The following LMNA variants were observed in gnomAD, a reference collection of about 807,000 sequenced individuals.
LMNA encodes the protein lamin A/C.
A neutral mutation model predicts 70.4 loss-of-function variants in LMNA; 20 were observed. The ratio of observed to expected loss-of-function variants is 0.28; its 90% CI spans 0.20 to 0.41. The LOEUF is 0.41. LMNA is among the 10% of genes least tolerant of loss of function. LMNA has a pLI of 1.00. For synonymous variants in LMNA, 339 were observed against 372.8 expected (o/e 0.91, Z 1.04); for missense variants, 652 against 917.2 (o/e 0.71, Z 3.73).
chr1:156,113,016 C>T (rs975934685), upstream of LMNA, among the ~76,000 whole-genome samples: 7 of 152,004 alleles, frequency 4.6e-5, no homozygotes, highest in Admixed American at 4.6e-4. Flanking sequence ...TAAGGTGGGA[C>T]GGGCATGGTG....
In LMNA at chr1:156,130,739, G is replaced by A. The variant is rs750755990; in HGVS notation, c.479G>A (p.Gly160Asp). ...CTCAGTGAGAAGCGCACGCTGGAGG[G>A]CGAGCTGCATGATCTGCGGGGCCAG... ...TALSEKRTLEGELHDLRGQVA... is the reference protein window; with the variant it reads ...TALSEKRTLEDELHDLRGQVA... Residue 160 changes from glycine to aspartate, a missense_variant, in exon 2 of 12, where the codon GGC becomes GAC. Gly to Asp is a moderately conservative substitution (Grantham distance 94). Transcript: ENST00000368300. 6.2e-7 allele frequency: 1 copy of A among 1,605,106 alleles called. No individual in the cohort carries two copies. The highest frequency in any genetic ancestry group is 1.7e-5 in the Admixed American group (1 of 58,668).
chr1:156,084,457 A>C lies in LMNA; in HGVS notation c.-319+1273A>C, dbSNP rs368688923. ...GGAGTTGGGGAAGTTTGCCCCCTGG[A>C]CTGGGGATTTAACATAAGATCAACA... On this transcript the variant is annotated intron_variant, in intron 2 of 12. Coordinates refer to the LMNA transcript ENST00000368301. Among the ~76,000 whole-genome samples the C allele has an allele frequency of 2.8e-3, 424 of 151,790 alleles. 3 individuals carry two copies. The highest frequency in any genetic ancestry group is 9.2e-3 in the African/African-American group (379 of 41,362).
intron 3 of LMNA, among the ~76,000 whole-genome samples, chr1:156,107,538 A>C (rs1649395160): frequency 6.6e-6 from 1 of 152,238 alleles, no homozygotes; most frequent in South Asian, 2.1e-4. Context: ...TCAACCAGGC[A>C]GGGGCCTCAA....
upstream of LMNA, chr1:156,114,541 T>G (rs1649664672): frequency 7.8e-6 from 2 of 257,214 alleles, no homozygotes; most frequent in African/African-American, 2.3e-5. Flanking sequence ...CAGTTAGGGG[T>G]GCGCTGGAGA....
At chr1:156,114,505 AAG>A (rs776396705), upstream of LMNA, among the ~76,000 whole-genome samples, 48 of 152,282 alleles carry the variant, frequency 3.2e-4, no homozygotes, top group Non-Finnish European at 1.5e-4. Context: ...GGCAGGAGCC[AAG>A]AGAGGGGAAG....
upstream of LMNA, among the ~76,000 whole-genome samples, chr1:156,114,133 T>G (rs1649645603): frequency 6.6e-6 from 1 of 152,042 alleles, no homozygotes; most frequent in African/African-American, 2.4e-5. Context: ...TTCCAGAACT[T>G]TGCTCCCCCC....
chr1:156,126,501 C>T lies in LMNA; in HGVS notation c.357-4116C>T, dbSNP rs760972334. 3.7e-5 allele frequency: 25 copies of T among 670,174 alleles called. 1 individual carries two copies. In the South Asian group the frequency reaches 3.8e-4, roughly 10 times the overall value. 41.5% of individuals were successfully genotyped at this position (670,174 alleles called of 1,614,324 possible). On this transcript the variant is annotated intron_variant, in intron 1 of 11. Coordinates refer to ENST00000368300, the MANE Select transcript of LMNA (RefSeq NM_170707.4). ...CAGGGTGACTCAGAGGGTGGGTCAG[C>T]GCCTGGCCCGGTGCCCACCTAGCCC...
At chr1:156,096,980 T>C (rs1248693149) in intron 3 of LMNA, among the ~76,000 whole-genome samples, 2 of 152,146 alleles carry the variant, frequency 1.3e-5, no homozygotes, top group African/African-American at 2.4e-5. Context: ...TCCTAGGGGA[T>C]GTCCAGCCTA....
chr1:156,086,606 G>A (rs759873204), intron 2 of LMNA, among the ~76,000 whole-genome samples: 1 of 152,196 alleles, frequency 6.6e-6, no homozygotes, highest in African/African-American at 2.4e-5. Context: ...TCCAGACTGT[G>A]TGCTTGTCTG....
chr1:156,116,196 G>A (rs1286015492), intron 1 of LMNA, among the ~76,000 whole-genome samples: 1 of 152,176 alleles, frequency 6.6e-6, no homozygotes. Flanking sequence ...TCCCAGCGGG[G>A]CCAGGCAGTC....
In LMNA at chr1:156,134,395, C is replaced by A; in HGVS notation, c.514-8C>A. 6.2e-7 allele frequency: 1 copy of A among 1,614,026 alleles called. No individual in the cohort carries two copies. The highest frequency in any genetic ancestry group is 1.1e-5 in the South Asian group (1 of 91,068). ...CCCTTTTCCTCATCTCTGCCTGCTT[C>A]CTCACAGCTTGAGGCAGCCCTAGGT... On this transcript the variant is annotated splice_polypyrimidine_tract_variant and splice_region_variant and intron_variant, in intron 2 of 11. Transcript: ENST00000368300. This position sits in a 1 kb window ranked among gnomAD's most constrained non-coding sequence, Gnocchi z 5.3.
At chr1:156,084,419 C>A (rs1648406337) in intron 2 of LMNA, among the ~76,000 whole-genome samples, 3 of 150,506 alleles carry the variant, frequency 2.0e-5, no homozygotes, top group Admixed American at 6.6e-5. Flanking sequence ...ACTGAGGAAC[C>A]CGGGAGGGTC....
At chr1:156,119,497 AC>A (rs1650051958) in intron 1 of LMNA, among the ~76,000 whole-genome samples, 1 of 152,172 alleles carries the variant, frequency 6.6e-6, no homozygotes, top group East Asian at 1.9e-4. Context: ...CAAGTAATCC[AC>A]CTGCCTTGGC....
chr1:156,110,034 G>T, upstream of LMNA, among the ~76,000 whole-genome samples: 1 of 151,778 alleles, frequency 6.6e-6, no homozygotes, highest in Non-Finnish European at 1.5e-5. Context: ...TAAGAGATGG[G>T]GTTTCACTAT....
At chr1:156,130,323 A>G (rs772444858) in intron 1 of LMNA, among the ~76,000 whole-genome samples, 4 of 152,044 alleles carry the variant, frequency 2.6e-5, no homozygotes, top group African/African-American at 4.8e-5. Flanking sequence ...GAGGAGAGAG[A>G]GGGAAAAGCA....
chr1:156,139,458 C>G lies in LMNA; in HGVS notation c.*352C>G, dbSNP rs1199615540. 5 of 1,337,700 alleles carry G rather than the reference C, an allele frequency of 3.7e-6. No homozygotes were observed. In the East Asian group the frequency reaches 1.3e-4, roughly 35 times the overall value. 82.9% of individuals were successfully genotyped at this position (1,337,700 alleles called of 1,614,324 possible). On this transcript the variant is annotated 3_prime_UTR_variant, in exon 12 of 12. Coordinates refer to ENST00000368300, the MANE Select transcript of LMNA (RefSeq NM_170707.4). Reference sequence around the variant, plus strand: ...GGGGTGCTTTTATAGAGGCTAGCTTCTGCTTTTCTGCCCTGGCTGCTGCCC... The same window carrying G: ...GGGGTGCTTTTATAGAGGCTAGCTTGTGCTTTTCTGCCCTGGCTGCTGCCC...
intron 1 of LMNA, among the ~76,000 whole-genome samples, chr1:156,121,354 T>C (rs1394524194): frequency 6.6e-6 from 1 of 151,960 alleles, no homozygotes; most frequent in Non-Finnish European, 1.5e-5. Flanking sequence ...ACGTTCTGAT[T>C]CAAAGGGAAA....
At chr1:156,089,812 T>A (rs1176602213) in intron 2 of LMNA, among the ~76,000 whole-genome samples, 8 of 152,170 alleles carry the variant, frequency 5.3e-5, no homozygotes. Context: ...ATTGTCTGAT[T>A]TCCCCAGGGA....
chr1:156,096,731 T>C (rs1648950505), intron 3 of LMNA, among the ~76,000 whole-genome samples: 1 of 152,270 alleles, frequency 6.6e-6, no homozygotes, highest in African/African-American at 2.4e-5. Flanking sequence ...CACTCAGGAC[T>C]AGCCTGGATG....
Sources: allele counts gnomAD v4.1 joint callset (sites outside exome capture counted in the v4.1 genomes callset), GRCh38; gene constraint gnomAD v4.1.1; non-coding constraint Gnocchi (gnomAD v3.1); transcripts MANE v1.5; gene names NCBI Gene and HGNC (gene_info 2026-07-23, HGNC 2026-07-21).